DMXL2: variants seen among roughly 807,000 people sequenced by gnomAD.
DMXL2 encodes Dmx like 2.
DMXL2 carries 103 observed loss-of-function variants against 331.1 expected under a neutral mutation model. That is an observed-to-expected ratio of 0.31 (90% confidence interval 0.27 to 0.37). The LOEUF is 0.37. Ranked by LOEUF, DMXL2 falls within the 10% of genes least tolerant of loss-of-function variation. The pLI is 1.00. For missense variants in DMXL2, 3,171 were observed against 3,642.9 expected, an observed-to-expected ratio of 0.87 and a Z score of 3.33; for synonymous variants, 1,281 against 1,252.1, an observed-to-expected ratio of 1.02 and a Z score of -0.49.
chr15:51,519,639 T>G (rs914049707), intron 13 of DMXL2, among the ~76,000 whole-genome samples: 7 of 143,156 alleles, frequency 4.9e-5, no homozygotes, highest in East Asian at 2.0e-4. Flanking sequence ...GTCTCTTGTT[T>G]TTTTTTTTTT....
At chr15:51,519,638 T>G (rs1261419747) in intron 13 of DMXL2, among the ~76,000 whole-genome samples, 1 of 141,042 alleles carries the variant, frequency 7.1e-6, no homozygotes, top group Non-Finnish European at 1.6e-5. Context: ...AGTCTCTTGT[T>G]TTTTTTTTTT....
intron 1 of DMXL2, among the ~76,000 whole-genome samples, chr15:51,599,066 T>A (rs939040446): frequency 6.6e-6 from 1 of 152,242 alleles, no homozygotes; most frequent in Non-Finnish European, 1.5e-5. Flanking sequence ...TGGATTTTTA[T>A]CTTATTCAAA....
intron 6 of DMXL2, among the ~76,000 whole-genome samples, chr15:51,557,873 C>T (rs1162619062): frequency 2.6e-5 from 4 of 152,324 alleles, no homozygotes; most frequent in African/African-American, 9.6e-5. Context: ...CATTATTTCA[C>T]ATAGATTTTA....
chr15:51,605,823 G>A lies in DMXL2; in HGVS notation c.87+16636C>T, dbSNP rs1316033242. Among the ~76,000 whole-genome samples the A allele has an allele frequency of 1.3e-3, 57 of 42,396 alleles. 17 individuals are homozygous for A. Among genetic ancestry groups the A allele is most frequent in the Admixed American group, 0.012 (48 of 3,966 alleles). The allele number at this position is 42,396 out of a possible 152,430, so 27.8% of individuals were successfully genotyped here. A position where few individuals can be genotyped will look rare whatever the true frequency, so the allele number is the denominator to read the frequency against. The stretch of plus-strand genomic sequence containing the variant: ...CTCCCAAAGTGCTGGGATTACAGGC[G>A]TGAGCCACCGCGCCCGGCCCCAGAT... On this transcript the variant is annotated intron_variant, in intron 1 of 43. Coordinates refer to ENST00000560891, the MANE Select transcript of DMXL2 (RefSeq NM_001378457.1).
chr15:51,487,139 T>G (rs1209162869), intron 22 of DMXL2, among the ~76,000 whole-genome samples: 1 of 152,206 alleles, frequency 6.6e-6, no homozygotes, highest in African/African-American at 2.4e-5. Context: ...ATTACTCTCA[T>G]AATCAGCTGC....
intron 13 of DMXL2, among the ~76,000 whole-genome samples, chr15:51,531,487 G>A (rs1884354484): frequency 6.6e-6 from 1 of 152,110 alleles, no homozygotes; most frequent in Non-Finnish European, 1.5e-5. Flanking sequence ...CATTTCCTGA[G>A]TAATATATGA....
chr15:51,502,306 TTGTGTGTGTGTG>T (rs769283309), intron 17 of DMXL2, among the ~76,000 whole-genome samples: 2 of 140,558 alleles, frequency 1.4e-5, no homozygotes, highest in African/African-American at 2.7e-5. Context: ...TTTTGTGGGT[TTGTGTGTGTGTG>T]TGTGTGTGTG....
intron 1 of DMXL2, among the ~76,000 whole-genome samples, chr15:51,603,012 A>G (rs752010723): frequency 1.4e-4 from 22 of 152,256 alleles, no homozygotes; most frequent in Non-Finnish European, 2.9e-4. Context: ...GCTAGTAGAA[A>G]AATGTTTAAA....
intron 23 of DMXL2, among the ~76,000 whole-genome samples, chr15:51,483,744 G>A (rs1415636713): frequency 6.6e-6 from 1 of 152,084 alleles, no homozygotes; most frequent in Non-Finnish European, 1.5e-5. Flanking sequence ...GCCGCCCCTG[G>A]CAGCACACCA....
At chr15:51,503,102 A>T in intron 16 of DMXL2, 69 bp from the exon 17 acceptor site, 1 of 1,042,838 alleles carries the variant, frequency 9.6e-7, no homozygotes, top group Non-Finnish European at 1.4e-6. Context: ...CTAGAATATT[A>T]CTTTGTTATT....
chr15:51,462,406 G>A (rs1324610723), intron 33 of DMXL2, among the ~76,000 whole-genome samples: 1 of 152,018 alleles, frequency 6.6e-6, no homozygotes, highest in Non-Finnish European at 1.5e-5. Flanking sequence ...CACAATCTTG[G>A]CTTACTGCAA....
intron 1 of DMXL2, among the ~76,000 whole-genome samples, chr15:51,618,872 T>A (rs1388581881): frequency 6.6e-6 from 1 of 152,238 alleles, no homozygotes; most frequent in Non-Finnish European, 1.5e-5. Context: ...TCTGCCAGTA[T>A]ATTATAAATT....
chr15:51,518,727 C>T (rs776130404), intron 13 of DMXL2, among the ~76,000 whole-genome samples: 17 of 152,108 alleles, frequency 1.1e-4, no homozygotes, highest in Admixed American at 2.0e-4. Context: ...TTGAGATCCC[C>T]TCACAAGAAT....
rs576326886 is a variant in DMXL2, at chr15:51,612,503, G to A, written c.87+9956C>T. On this transcript the variant is annotated intron_variant, in intron 1 of 43. Transcript: ENST00000560891. ...AGAGAAATTTTAAAGCTGGGTGTCC[G>A]GGGGAGACATCACATGTCAGCAGGT... is the stretch of plus-strand genomic sequence containing the variant. Among the ~76,000 whole-genome samples, 16 of 152,180 alleles carry A rather than the reference G, an allele frequency of 1.1e-4. No homozygotes were observed. In the South Asian group the frequency reaches 1.2e-3, roughly 12 times the overall value.
At chr15:51,586,111 G>C (rs1201937733) in intron 1 of DMXL2, among the ~76,000 whole-genome samples, 1 of 152,064 alleles carries the variant, frequency 6.6e-6, no homozygotes, top group Non-Finnish European at 1.5e-5. Context: ...TGCTGAATAA[G>C]CAAAATAAAT....
In DMXL2 at chr15:51,499,896, C is replaced by G; in HGVS notation, c.3328G>C (p.Glu1110Gln). The change falls in exon 18 of 44, where the codon GAA (glutamate) becomes CAA (glutamine). Residue 1110 changes from glutamate (E) to glutamine (Q), a missense_variant. Physicochemically the swap from Glu to Gln is conservative, Grantham distance 29 (BLOSUM62 2). Coordinates refer to ENST00000560891, the MANE Select transcript of DMXL2 (RefSeq NM_001378457.1). ...FSMHVCIFEC[E>Q]STGGSEWVLE... ...ACCCACTCTGATCCTCCTGTAGATTCACATTCAAATATACAAACATGCATG... is the reference window on the plus strand; with the variant it reads ...ACCCACTCTGATCCTCCTGTAGATTGACATTCAAATATACAAACATGCATG... 1 of 1,614,134 alleles carries G rather than the reference C, an allele frequency of 6.2e-7. No individual in the cohort carries two copies. Among genetic ancestry groups the G allele is most frequent in the Non-Finnish European group, 8.5e-7 (1 of 1,180,006 alleles).
chr15:51,558,854 G>A (rs546470319), intron 6 of DMXL2, among the ~76,000 whole-genome samples: 3 of 152,202 alleles, frequency 2.0e-5, no homozygotes, highest in East Asian at 3.9e-4. Flanking sequence ...TTTTGTTACC[G>A]AATGCATTAA....
At chr15:51,560,577 G>A (rs1008800783) in intron 6 of DMXL2, among the ~76,000 whole-genome samples, 10 of 147,392 alleles carry the variant, frequency 6.8e-5, no homozygotes, top group Non-Finnish European at 1.0e-4. Flanking sequence ...GCTGAGGCAG[G>A]AGGACTGCCT....
At chr15:51,527,565 C>A (rs528434814) in intron 13 of DMXL2, among the ~76,000 whole-genome samples, 5 of 152,158 alleles carry the variant, frequency 3.3e-5, no homozygotes, top group African/African-American at 1.2e-4. Context: ...CCTGTCTCTA[C>A]TAAAATACAA....
Sources: gnomAD v4.1 joint callset for allele counts (sites outside exome capture counted in the v4.1 genomes callset) on GRCh38, gnomAD v4.1.1 for gene constraint, MANE v1.5 for transcripts, NCBI Gene and HGNC (gene_info 2026-07-23, HGNC 2026-07-21) for gene names.